PARP9: variants seen among roughly 807,000 people sequenced by gnomAD.
The protein encoded by PARP9 is protein mono-ADP-ribosyltransferase PARP9.
A neutral mutation model predicts 68.8 loss-of-function variants in PARP9; 48 were observed. The ratio of observed to expected loss-of-function variants is 0.70; its 90% CI spans 0.55 to 0.89. The LOEUF (loss-of-function observed/expected upper bound fraction) is 0.89. PARP9 is among the 40% of genes least tolerant of loss of function. The pLI is 0.00. For synonymous variants in PARP9, 309 were observed against 333.8 expected, an observed-to-expected ratio of 0.93 and a Z score of 0.81; for missense variants, 806 against 969.3, an observed-to-expected ratio of 0.83 and a Z score of 2.24.
At chr3:122,539,567 C>CTTT (rs1177248789) in intron 8 of PARP9, among the ~76,000 whole-genome samples, 21 of 86,942 alleles carry the variant, frequency 2.4e-4, no homozygotes, top group East Asian at 3.5e-4. Flanking sequence ...TTCTTTCTTT[C>CTTT]TTTTTTTTTT....
At chr3:122,537,190 C>T (rs969523399) in intron 8 of PARP9, 117 bp from the exon 9 acceptor site, 2 of 1,114,670 alleles carry the variant, frequency 1.8e-6, no homozygotes, top group African/African-American at 3.1e-5. Context: ...AATTGTGTGC[C>T]TCATGTGTTT....
At chr3:122,534,242 G>C in intron 10 of PARP9, 1 of 905,602 alleles carries the variant, frequency 1.1e-6, no homozygotes. Context: ...TAAAGGAACT[G>C]TATTGCTGAA....
At chr3:122,532,864 C>A (rs1477947636) in intron 10 of PARP9, 1 of 152,174 alleles carries the variant, frequency 6.6e-6, no homozygotes, top group Non-Finnish European at 1.5e-5. Context: ...TTAGGGAACT[C>A]TAAAAAGTTA....
intron 6 of PARP9, chr3:122,545,703 T>C: frequency 1.8e-6 from 1 of 542,484 alleles, no homozygotes; most frequent in Non-Finnish European, 3.3e-6. Flanking sequence ...AAAATGGAGA[T>C]GAAATCAAAA....
rs376206666 is a variant in PARP9 at position 122,536,146 on chromosome 3, A to G, written c.2080+22T>C. On this transcript the variant is annotated intron_variant, in intron 10 of 10. Transcript: ENST00000682323. ...CACCAAATTCCACAGAGTAGCCCCA[A>G]TGATGAGGCATTGACACCTACCGCA... is the stretch of plus-strand genomic sequence containing the variant. 84 of 1,614,042 alleles carry G rather than the reference A, an allele frequency of 5.2e-5. No homozygotes were observed. In the African/African-American group the frequency reaches 8.1e-4, roughly 16 times the overall value.
At position 122,528,533 on chromosome 3, in the gene PARP9, A is replaced by T. The variant is rs2077082084; in HGVS notation, c.2291T>A (p.Val764Asp). Residue 764 changes from valine to aspartate, a missense_variant, in exon 11 of 11, where the codon GTC (valine) becomes GAC (aspartate). Coordinates refer to ENST00000682323, the MANE Select transcript of PARP9 (RefSeq NM_001146105.2). ...IDGHDSVVDN[V>D]SSPETFVIFS... ...AATAACAAAGGTTTCAGGGCTGGAG[A>T]CATTGTCAACCACACTGTCATGACC... is the stretch of plus-strand genomic sequence containing the variant. 6.2e-7 allele frequency: 1 copy of T among 1,614,172 alleles called. No homozygotes were observed. Among genetic ancestry groups the T allele is most frequent in the African/African-American group, 1.3e-5 (1 of 75,054 alleles).
intron 10 of PARP9, chr3:122,534,903 G>A (rs1361258366): frequency 2.1e-6 from 2 of 963,368 alleles, no homozygotes; most frequent in Non-Finnish European, 2.5e-6. Context: ...AATAAAGAGA[G>A]AACTGCCTGA....
intron 7 of PARP9, among the ~76,000 whole-genome samples, chr3:122,541,644 A>G (rs2078239297): frequency 6.6e-6 from 1 of 152,248 alleles, no homozygotes; most frequent in South Asian, 2.1e-4. Context: ...GAAATTATCG[A>G]CATATAATGG....
intron 1 of PARP9, 47 bp downstream of exon 1, chr3:122,564,198 T>C (rs772255975): frequency 2.3e-5 from 12 of 515,848 alleles, no homozygotes; most frequent in Admixed American, 7.9e-5. Context: ...ACCTCGAGCC[T>C]GCAGGAGAGG....
chr3:122,531,230 T>C (rs2077284136), intron 10 of PARP9, among the ~76,000 whole-genome samples: 2 of 152,234 alleles, frequency 1.3e-5, no homozygotes, highest in South Asian at 4.1e-4. Context: ...GTGAGTAAGA[T>C]ATGATCCCTA....
At chr3:122,554,885 ATTT>A (rs111889676) in intron 4 of PARP9, among the ~76,000 whole-genome samples, 3 of 143,650 alleles carry the variant, frequency 2.1e-5, no homozygotes, top group Non-Finnish European at 1.5e-5. Flanking sequence ...TGCCCTGATA[ATTT>A]TTTTTTTTTT....
chr3:122,559,010 ATGCATCTCAG>A (rs1194279929), intron 2 of PARP9, among the ~76,000 whole-genome samples: 1 of 152,172 alleles, frequency 6.6e-6, no homozygotes, highest in South Asian at 2.1e-4. Flanking sequence ...GCCACCGCCA[ATGCATCTCAG>A]TGCATCTCAT....
chr3:122,548,577 G>T (rs1377844780), intron 6 of PARP9, among the ~76,000 whole-genome samples: 1 of 152,192 alleles, frequency 6.6e-6, no homozygotes, highest in Non-Finnish European at 1.5e-5. Flanking sequence ...AGCAGAGATG[G>T]TCGGTACTTT....
intron 8 of PARP9, among the ~76,000 whole-genome samples, chr3:122,538,566 C>T (rs548093696): frequency 6.6e-6 from 1 of 151,950 alleles, no homozygotes; most frequent in Non-Finnish European, 1.5e-5. Context: ...AAAGTGCCAT[C>T]GTGCGGCAGA....
intron 10 of PARP9, 36 bp downstream of exon 10, chr3:122,536,130 CCA>C: frequency 6.2e-7 from 1 of 1,613,956 alleles, no homozygotes; most frequent in Non-Finnish European, 8.5e-7. Context: ...TCACCAAATT[CCA>C]CAGAGTAGCC....
intron 7 of PARP9, among the ~76,000 whole-genome samples, chr3:122,541,757 G>A (rs181019212): frequency 1.2e-3 from 182 of 152,344 alleles, no homozygotes; most frequent in Middle Eastern, 3.4e-3. Context: ...CTGATTCACA[G>A]AGTCATTAAG....
chr3:122,546,559 A>G (rs2078713711), intron 6 of PARP9, among the ~76,000 whole-genome samples: 2 of 152,240 alleles, frequency 1.3e-5, no homozygotes, highest in Admixed American at 1.3e-4. Context: ...GGAAGAAAAT[A>G]CATGCTTATT....
At chr3:122,557,769 C>A (rs2079827395) in intron 3 of PARP9, among the ~76,000 whole-genome samples, 1 of 152,106 alleles carries the variant, frequency 6.6e-6, no homozygotes. Flanking sequence ...CCTGGAGGAC[C>A]CAGCTTGGGA....
intron 10 of PARP9, among the ~76,000 whole-genome samples, chr3:122,529,611 G>A (rs982128411): frequency 4.0e-5 from 6 of 151,886 alleles, no homozygotes; most frequent in Non-Finnish European, 8.8e-5. Context: ...AAAATTAGCC[G>A]GGCGCAGTTG....
Sources: gnomAD v4.1 joint callset for allele counts (sites outside exome capture counted in the v4.1 genomes callset) on GRCh38, gnomAD v4.1.1 for gene constraint, MANE v1.5 for transcripts, NCBI Gene and HGNC (gene_info 2026-07-23, HGNC 2026-07-21) for gene names.